OXNAD1: variants seen among roughly 807,000 people sequenced by gnomAD.
OXNAD1 encodes oxidoreductase NAD-binding domain-containing protein 1.
In OXNAD1, 34 loss-of-function variants were observed where a neutral mutation model predicts 32.9. The observed-to-expected ratio is 1.03, with a 90% CI of 0.79 to 1.38. The LOEUF (loss-of-function observed/expected upper bound fraction) is 1.38, where lower values mean the gene tolerates loss of function less well. Ranked by LOEUF, OXNAD1 falls within the 40% of genes most tolerant of loss-of-function variation. The probability of loss-of-function intolerance (pLI) is 0.00; values close to 1 mark genes in which losing one functional copy is unlikely to be tolerated. For synonymous variants in OXNAD1, 134 were observed against 135.2 expected (o/e 0.99, Z 0.06); for missense variants, 407 against 379.4 (o/e 1.07, Z -0.60).
Position 16,301,034 on chromosome 3 carries a change from C to G in OXNAD1, c.433-592C>G, listed in dbSNP as rs1224704967. On this transcript the variant is annotated intron_variant, in intron 6 of 8. Transcript: ENST00000285083. The surrounding 1 kb of genome is among the most constrained non-coding windows in gnomAD (Gnocchi z 4.1). ...TCTAGATAGGTCTATGTGATACTCC[C>G]TAGTATGAAGCCTCTGGCTGCCTGT... Among the ~76,000 whole-genome samples the G allele has an allele frequency of 2.0e-5, 3 of 152,282 alleles. No homozygotes were observed. The East Asian group carries it at 5.8e-4, about 29-fold the overall frequency.
In OXNAD1 at chr3:16,345,815, T is replaced by TGC. The variant is rs1283915385; in HGVS notation, c.*31-3360_*31-3359insCG. On this transcript the variant is annotated intron_variant, in intron 9 of 9. Coordinates refer to the OXNAD1 transcript ENST00000606098. This position sits in a 1 kb window ranked among gnomAD's most constrained non-coding sequence, Gnocchi z 5.2. ...GTGTGTGTGTGTGTGTGTGTGTGTG[T>TGC]GTGCGCGCGCGCGTGCGCGCACGCG... 4.4e-4 allele frequency among the ~76,000 whole-genome samples: 36 copies of TGC among 82,390 alleles called. No individual in the cohort carries two copies. Among genetic ancestry groups the TGC allele is most frequent in the African/African-American group, 2.5e-3 (33 of 13,392 alleles). 54.1% of individuals were successfully genotyped at this position (82,390 alleles called of 152,430 possible). A position where few individuals can be genotyped will look rare whatever the true frequency, so the allele number is the denominator to read the frequency against.
At chr3:16,328,877 T>G (rs1216194827) in intron 9 of OXNAD1, among the ~76,000 whole-genome samples, 3 of 152,218 alleles carry the variant, frequency 2.0e-5, no homozygotes, top group Admixed American at 2.0e-4. Context: ...TCTAACTTTT[T>G]CCCATCATTC....
downstream of OXNAD1, among the ~76,000 whole-genome samples, chr3:16,341,829 C>T (rs1379781661): frequency 6.6e-6 from 1 of 151,954 alleles, no homozygotes; most frequent in Non-Finnish European, 1.5e-5. The surrounding 1 kb of genome is among the most constrained non-coding windows in gnomAD (Gnocchi z 4.7). Context: ...CAGTTACATA[C>T]AAAAATGTAT....
At chr3:16,340,293 G>A (rs1301132033), downstream of OXNAD1, among the ~76,000 whole-genome samples, 1 of 152,228 alleles carries the variant, frequency 6.6e-6, no homozygotes, top group Non-Finnish European at 1.5e-5. Context: ...GCACATTGGG[G>A]CTTGCCCACT....
At chr3:16,339,539 G>A (rs965917142), downstream of OXNAD1, 1 of 152,146 alleles carries the variant, frequency 6.6e-6, no homozygotes, top group African/African-American at 2.4e-5. Context: ...CATAACAGAT[G>A]CGCTGCCGGG....
chr3:16,310,919 G>GCCC (rs1047800453), downstream of OXNAD1, among the ~76,000 whole-genome samples: 52 of 150,846 alleles, frequency 3.4e-4, 1 homozygote, highest in Admixed American at 3.0e-3. Flanking sequence ...GAACCTGGGA[G>GCCC]GTGGAGGTTG....
In OXNAD1 at chr3:16,297,438, T is replaced by G. The variant is rs192309346; in HGVS notation, c.432+2441T>G. Among the ~76,000 whole-genome samples the G allele has an allele frequency of 6.6e-5, 10 of 152,348 alleles. No individual in the cohort carries two copies. Among genetic ancestry groups the G allele is most frequent in the African/African-American group, 2.4e-4 (10 of 41,590 alleles). ...AGTACAGCCGATCTGGAAAGCATTTTAGCAGTTTTCTATAAAGTTAAACAT... is the reference window on the plus strand; with the variant it reads ...AGTACAGCCGATCTGGAAAGCATTTGAGCAGTTTTCTATAAAGTTAAACAT... On this transcript the variant is annotated intron_variant, in intron 6 of 8. Coordinates refer to ENST00000285083, the MANE Select transcript of OXNAD1 (RefSeq NM_138381.5). This position sits in a 1 kb window ranked among gnomAD's most constrained non-coding sequence, Gnocchi z 4.3.
At chr3:16,309,404 G>C (rs2067799689), downstream of OXNAD1, among the ~76,000 whole-genome samples, 1 of 152,096 alleles carries the variant, frequency 6.6e-6, no homozygotes, top group Non-Finnish European at 1.5e-5. Context: ...CCCATTTCTA[G>C]CCAACATTAG....
chr3:16,286,410 T>G lies in OXNAD1; in HGVS notation c.252T>G (p.Leu84=). ...CGTCAGTGAAGAGCCTCCGCTTGCT[T>G]GTTGCTGATCAAGACTTTTCCTTTA... ...ESPSVKSLRL[L]VADQDFSFKA... is the part of the protein sequence containing the mutation. Residue 84 remains leucine, a synonymous_variant, in exon 5 of 9, where the codon CTT becomes CTG. Transcript: ENST00000285083. 6.2e-7 allele frequency: 1 copy of G among 1,613,942 alleles called. No homozygotes were observed. The highest frequency in any genetic ancestry group is 8.5e-7 in the Non-Finnish European group (1 of 1,179,848).
At chr3:16,279,495 G>A (rs987722644) in intron 4 of OXNAD1, among the ~76,000 whole-genome samples, 1 of 152,030 alleles carries the variant, frequency 6.6e-6, no homozygotes, top group Non-Finnish European at 1.5e-5. Context: ...TTGGACATGT[G>A]AGATGAGAGT....
At chr3:16,319,669 C>T (rs1037362055) in intron 9 of OXNAD1, among the ~76,000 whole-genome samples, 7 of 152,210 alleles carry the variant, frequency 4.6e-5, no homozygotes, top group Non-Finnish European at 1.0e-4. Flanking sequence ...ATCCAGTTTC[C>T]TGTAGAAGAT....
downstream of OXNAD1, among the ~76,000 whole-genome samples, chr3:16,308,229 A>G (rs1198998772): frequency 6.6e-6 from 1 of 152,216 alleles, no homozygotes; most frequent in African/African-American, 2.4e-5. The surrounding 1 kb of genome is among the most constrained non-coding windows in gnomAD (Gnocchi z 4.4). Flanking sequence ...CTCTGGGGCA[A>G]CATATTTTTT....
rs759635061 is a variant in OXNAD1 at position 16,317,080 on chromosome 3, AAC to A, written c.*30+13492_*30+13493del. ...CTCCACCCTCCTGCTGCTGTCCTGA[AAC>A]ACAGTTTCCCATGTCTCCAGCTTTG... On this transcript the variant is annotated intron_variant, in intron 9 of 9. Coordinates refer to the OXNAD1 transcript ENST00000435829. The surrounding 1 kb of genome is among the most constrained non-coding windows in gnomAD (Gnocchi z 4.3). 2.5e-6 allele frequency: 4 copies of A among 1,613,808 alleles called. No homozygotes were observed. The highest frequency in any genetic ancestry group is 2.5e-6 in the Non-Finnish European group (3 of 1,179,956).
At position 16,299,740 on chromosome 3, in the gene OXNAD1, A is replaced by T. The variant is rs1487296678; in HGVS notation, c.433-1886A>T. Reference sequence around the variant, plus strand: ...ACGCGATGTGTTATTACTTCTTAGGAGGGCATTCATTTAGTTGATTTATGC... The same window carrying T: ...ACGCGATGTGTTATTACTTCTTAGGTGGGCATTCATTTAGTTGATTTATGC... On this transcript the variant is annotated intron_variant, in intron 6 of 8. Coordinates refer to ENST00000285083, the MANE Select transcript of OXNAD1 (RefSeq NM_138381.5). This position sits in a 1 kb window ranked among gnomAD's most constrained non-coding sequence, Gnocchi z 4.4. 1.3e-5 allele frequency among the ~76,000 whole-genome samples: 2 copies of T among 152,216 alleles called. No homozygotes were observed. The highest frequency in any genetic ancestry group is 4.8e-5 in the African/African-American group (2 of 41,454).
At position 16,327,762 on chromosome 3, in the gene OXNAD1, A is replaced by T. The variant is rs1435426074; in HGVS notation, c.*31-9350A>T. Among the ~76,000 whole-genome samples, 2 of 30,886 alleles carry T rather than the reference A, an allele frequency of 6.5e-5. No individual in the cohort carries two copies. The highest frequency in any genetic ancestry group is 2.4e-4 in the African/African-American group (2 of 8,292). 20.3% of individuals were successfully genotyped at this position (30,886 alleles called of 152,430 possible). A position where few individuals can be genotyped will look rare whatever the true frequency, so the allele number is the denominator to read the frequency against. ...GGTGACAGAGCGGGATTCCCATCTC[A>T]AAAAAAAAAACAAAACGAAAAAAAC... On this transcript the variant is annotated intron_variant, in intron 9 of 9. Coordinates refer to the OXNAD1 transcript ENST00000435829. The surrounding 1 kb of genome is among the most constrained non-coding windows in gnomAD (Gnocchi z 4.2).
chr3:16,326,962 C>A, intron 9 of OXNAD1: 1 of 983,182 alleles, frequency 1.0e-6, no homozygotes, highest in Admixed American at 2.2e-5. Context: ...TCTGCCAATC[C>A]GCAAAACAGA....
Position 16,316,989 on chromosome 3 carries a change from G to C in OXNAD1, c.*30+13397G>C. On this transcript the variant is annotated intron_variant, in intron 9 of 9. Coordinates refer to the OXNAD1 transcript ENST00000435829. This position sits in a 1 kb window ranked among gnomAD's most constrained non-coding sequence, Gnocchi z 4.5. ...TCACCCTCCACACCCACCCCACACA[G>C]CAGGCCACCAGGGGACAGCTGTTCT... The C allele has an allele frequency of 6.2e-7, 1 of 1,613,426 alleles. No homozygotes were observed. Among genetic ancestry groups the C allele is most frequent in the East Asian group, 2.2e-5 (1 of 44,764 alleles).
rs1283867367 is a variant in OXNAD1 at position 16,344,697 on chromosome 3, GAAGA to G, written c.*31-4478_*31-4475del. Reference sequence around the variant, plus strand: ...CACAGGATGGCATCAGAAAGCTCATGAAGACAGACCTCCTCCCAATGAAAGCACA... The same window carrying G: ...CACAGGATGGCATCAGAAAGCTCATGCAGACCTCCTCCCAATGAAAGCACA... On this transcript the variant is annotated intron_variant, in intron 9 of 9. Transcript: ENST00000606098. This position sits in a 1 kb window ranked among gnomAD's most constrained non-coding sequence, Gnocchi z 4.4. Among the ~76,000 whole-genome samples the G allele has an allele frequency of 2.0e-5, 3 of 152,180 alleles. No homozygotes were observed. The highest frequency in any genetic ancestry group is 1.3e-4 in the Admixed American group (2 of 15,280).
intron 9 of OXNAD1, chr3:16,326,824 T>C (rs998047684): frequency 2.5e-6 from 4 of 1,614,126 alleles, no homozygotes; most frequent in African/African-American, 1.3e-5. Flanking sequence ...CTGCCAGCCA[T>C]AGGCCGCCAG....
Sources: gnomAD v4.1 joint callset for allele counts (sites outside exome capture counted in the v4.1 genomes callset) on GRCh38, gnomAD v4.1.1 for gene constraint, Gnocchi (gnomAD v3.1) non-coding constraint, MANE v1.5 for transcripts, NCBI Gene and HGNC (gene_info 2026-07-23, HGNC 2026-07-21) for gene names.